SLX4: variants seen among roughly 807,000 people sequenced by gnomAD.
The protein encoded by SLX4 is structure-specific endonuclease subunit SLX4.
SLX4 carries 112 observed loss-of-function variants against 146.2 expected under a neutral mutation model. The observed-to-expected ratio is 0.77, with a 90% CI of 0.66 to 0.90. The LOEUF (loss-of-function observed/expected upper bound fraction) is 0.90, where lower values mean the gene tolerates loss of function less well. Ranked by LOEUF, SLX4 falls within the 40% of genes least tolerant of loss-of-function variation. The probability of loss-of-function intolerance (pLI) is 0.00; values close to 1 mark genes in which losing one functional copy is unlikely to be tolerated. For missense variants in SLX4, 2,563 were observed against 2,392.7 expected (o/e 1.07, Z -1.49); for synonymous variants, 1,061 against 997.7 (o/e 1.06, Z -1.20).
Position 3,590,984 on chromosome 16 carries a change from G to T in SLX4, c.2654C>A (p.Pro885Gln). 1.9e-6 allele frequency: 3 copies of T among 1,614,156 alleles called. No individual in the cohort carries two copies. The highest frequency in any genetic ancestry group is 2.5e-6 in the Non-Finnish European group (3 of 1,180,022). ...EDADWLEGGS[P>Q]VSGQLLAGVQ... The stretch of plus-strand genomic sequence containing the variant: ...ACCTGCTAGGAGTTGCCCAGAAACC[G>T]GACTGCCACCCTCCAGCCAGTCAGC... The change falls in exon 12 of 15, where the codon CCG becomes CAG. Residue 885 changes from proline to glutamine, a missense_variant. Physicochemically the swap from Pro to Gln is moderately conservative, Grantham distance 76. Transcript: ENST00000294008. This position sits in a 1 kb window ranked among gnomAD's most constrained non-coding sequence, Gnocchi z 4.8.
Position 3,590,862 on chromosome 16 carries a change from A to G in SLX4, c.2776T>C (p.Cys926Arg), listed in dbSNP as rs201703364. 3.7e-6 allele frequency: 6 copies of G among 1,614,042 alleles called. No homozygotes were observed. In the East Asian group the frequency reaches 1.3e-4, roughly 36 times the overall value. ...TGGCCCTGGGGTGGCGGGAGAGCGC[A>G]CTGTCCCATCTTCTCCCAGGTGGTG... ...AATTWEKMGQ[C>R]ALPPPQGQHS... The change falls in exon 12 of 15, where the codon TGC becomes CGC. Residue 926 changes from cysteine to arginine, a missense_variant. Cys to Arg is a radical substitution (Grantham distance 180, BLOSUM62 -3). Transcript: ENST00000294008. This position sits in a 1 kb window ranked among gnomAD's most constrained non-coding sequence, Gnocchi z 4.8.
chr16:3,605,997 C>T (rs1011779972), intron 3 of SLX4, among the ~76,000 whole-genome samples: 3 of 144,962 alleles, frequency 2.1e-5, no homozygotes, highest in Admixed American at 7.1e-5. Context: ...CAATGGTTCA[C>T]GCCTGTAATC....
chr16:3,600,834 G>T, intron 5 of SLX4, 145 bp downstream of exon 5: 1 of 789,962 alleles, frequency 1.3e-6, no homozygotes, highest in South Asian at 1.5e-5. Flanking sequence ...GATCTAAGGT[G>T]ATCTGCCCAC....
Position 3,597,866 on chromosome 16 carries a change from C to T in SLX4, c.1297G>A (p.Glu433Lys), listed in dbSNP as rs1212650567. 1.9e-6 allele frequency: 3 copies of T among 1,614,136 alleles called. No homozygotes were observed. Among genetic ancestry groups the T allele is most frequent in the Middle Eastern group, 1.6e-4 (1 of 6,062 alleles). The change falls in exon 6 of 15, where the codon GAG becomes AAG. Residue 433 changes from glutamate to lysine, a missense_variant. Coordinates refer to ENST00000294008, the MANE Select transcript of SLX4 (RefSeq NM_032444.4). The surrounding 1 kb of genome is among the most constrained non-coding windows in gnomAD (Gnocchi z 4.4). The stretch of plus-strand genomic sequence containing the variant: ...AGCGCTGGTACAGCCGCACCCGGCT[C>T]CATCTCCGACCGGGACAGAGCCATG... ...VAMALSRSEM[E>K]PGAAVPALRL...
At chr16:3,604,818 T>TAAA (rs2040765595) in intron 3 of SLX4, among the ~76,000 whole-genome samples, 3 of 90,040 alleles carry the variant, frequency 3.3e-5, no homozygotes, top group African/African-American at 1.5e-4. Context: ...AGACTCCATC[T>TAAA]CAAAAAAAAA....
rs1201306718 is a variant in SLX4, at chr16:3,597,523, C to T, written c.1539G>A (p.Trp513Ter). ...LPASRILKEG[W>*]ERAGQCPPPP... ...GAGGAGGACACTGGCCCGCTCTTTC[C>T]CACCCTTCCTTTAAAATCCTGCTGG... The change falls in exon 7 of 15, where the codon TGG becomes TGA. Residue 513 changes from tryptophan (W) to a stop codon, truncating the protein, a stop_gained. Coordinates refer to ENST00000294008, the MANE Select transcript of SLX4 (RefSeq NM_032444.4). LOFTEE classifies it high-confidence loss of function. This position sits in a 1 kb window ranked among gnomAD's most constrained non-coding sequence, Gnocchi z 4.4. The T allele has an allele frequency of 6.2e-7, 1 of 1,614,138 alleles. No homozygotes were observed. The highest frequency in any genetic ancestry group is 1.7e-5 in the Admixed American group (1 of 60,018).
rs953252183 is a variant in SLX4, at chr16:3,596,266, G to C, written c.1811C>G (p.Ala604Gly). 3.8e-6 allele frequency: 6 copies of C among 1,562,630 alleles called. No individual in the cohort carries two copies. Among genetic ancestry groups the C allele is most frequent in the Non-Finnish European group, 2.6e-6 (3 of 1,155,048 alleles). Residue 604 changes from alanine to glycine, a missense_variant, in exon 8 of 15, where the codon GCC becomes GGC. Physicochemically the swap from Ala to Gly is moderately conservative, Grantham distance 60 (BLOSUM62 0). Transcript: ENST00000294008. ...CAGGGCCTGGTGCTCCCTCTGGCTGGCCGAAGGCGACGGGCCCCTGGAGCC... is the reference window on the plus strand; with the variant it reads ...CAGGGCCTGGTGCTCCCTCTGGCTGCCCGAAGGCGACGGGCCCCTGGAGCC... The part of the protein sequence containing the change: ...GCGSRGPSPS[A>G]SQREHQALQD...
rs2151130085 is a variant in SLX4, at chr16:3,596,288, A to G, written c.1789T>C (p.Ser597Pro). The change falls in exon 8 of 15, where the codon TCC (serine) becomes CCC (proline). Residue 597 changes from serine to proline, a missense_variant. By Grantham distance (74) the Ser-to-Pro change is moderately conservative (BLOSUM62 -1). Coordinates refer to ENST00000294008, the MANE Select transcript of SLX4 (RefSeq NM_032444.4). ...LHGTPTAGCG[S>P]RGPSPSASQR... ...CTGGCCGAAGGCGACGGGCCCCTGGAGCCACAGCCTGCAGTGGGGGTGCCG... is the reference window on the plus strand; with the variant it reads ...CTGGCCGAAGGCGACGGGCCCCTGGGGCCACAGCCTGCAGTGGGGGTGCCG... 6.4e-7 allele frequency: 1 copy of G among 1,571,504 alleles called. No individual in the cohort carries two copies. Among genetic ancestry groups the G allele is most frequent in the East Asian group, 2.3e-5 (1 of 42,732 alleles).
chr16:3,590,257 G>A lies in SLX4; in HGVS notation c.3381C>T (p.Thr1127=), dbSNP rs2151123690. The A allele has an allele frequency of 6.2e-7, 1 of 1,614,192 alleles. No homozygotes were observed. Among genetic ancestry groups the A allele is most frequent in the Non-Finnish European group, 8.5e-7 (1 of 1,180,036 alleles). The change falls in exon 12 of 15, where the codon ACC becomes ACT. Residue 1127 remains threonine (T), a synonymous_variant. Coordinates refer to ENST00000294008, the MANE Select transcript of SLX4 (RefSeq NM_032444.4). This position sits in a 1 kb window ranked among gnomAD's most constrained non-coding sequence, Gnocchi z 4.8. ...AGCTCGAATGGTCAGGATTTGACTGGGTTAGGTCAATAGACGGAGATTTTT... is the reference window on the plus strand; with the variant it reads ...AGCTCGAATGGTCAGGATTTGACTGAGTTAGGTCAATAGACGGAGATTTTT... ...FPEKSPSIDL[T]QSNPDHSSSR... is the part of the protein sequence containing the mutation.
chr16:3,582,212 G>C lies in SLX4; in HGVS notation c.*130C>G. 3 of 731,858 alleles carry C rather than the reference G, an allele frequency of 4.1e-6. No homozygotes were observed. Among genetic ancestry groups the C allele is most frequent in the Non-Finnish European group, 6.9e-6 (3 of 432,676 alleles). The allele number at this position is 731,858 out of a possible 1,614,324, so 45.3% of individuals were successfully genotyped here. Reference sequence around the variant, plus strand: ...GCTGTGGTCATCATCACAGCGCAGAGCTGATGTGGTCCCCAGGCCCAGAAA... The same window carrying C: ...GCTGTGGTCATCATCACAGCGCAGACCTGATGTGGTCCCCAGGCCCAGAAA... On this transcript the variant is annotated 3_prime_UTR_variant, in exon 15 of 15. Coordinates refer to ENST00000294008, the MANE Select transcript of SLX4 (RefSeq NM_032444.4).
Position 3,597,633 on chromosome 16 carries a change from C to G in SLX4, c.1429G>C (p.Glu477Gln), listed in dbSNP as rs748957904. ...SPPLLLVQDS[E>Q]TTGRQIEDRV... The stretch of plus-strand genomic sequence containing the variant: ...TCCTCTATCTGTCGGCCTGTGGTTT[C>G]AGAGTCCTGGACTAACAACAATGGG... Residue 477 changes from glutamate (E) to glutamine (Q), a missense_variant, in exon 7 of 15, where the codon GAA becomes CAA. By Grantham distance (29) the Glu-to-Gln change is conservative (BLOSUM62 2). Coordinates refer to ENST00000294008, the MANE Select transcript of SLX4 (RefSeq NM_032444.4). The surrounding 1 kb of genome is among the most constrained non-coding windows in gnomAD (Gnocchi z 4.4). 14 of 1,614,018 alleles carry G rather than the reference C, an allele frequency of 8.7e-6. No individual in the cohort carries two copies. Among genetic ancestry groups the G allele is most frequent in the Non-Finnish European group, 1.2e-5 (14 of 1,180,050 alleles).
chr16:3,597,776 C>T lies in SLX4; in HGVS notation c.1366+21G>A, dbSNP rs2040680646. The T allele has an allele frequency of 6.2e-7, 1 of 1,614,110 alleles. No homozygotes were observed. The highest frequency in any genetic ancestry group is 1.1e-5 in the South Asian group (1 of 91,036). On this transcript the variant is annotated intron_variant, in intron 6 of 14. Transcript: ENST00000294008. This position sits in a 1 kb window ranked among gnomAD's most constrained non-coding sequence, Gnocchi z 4.4. ...ACCTGCTGATGGCCTCTCCCAGGGT[C>T]ACTCTTCTGATCACACAAACCTGCT...
intron 3 of SLX4, 143 bp downstream of exon 3, chr16:3,606,331 C>T: frequency 1.1e-6 from 1 of 882,008 alleles, no homozygotes; most frequent in Non-Finnish European, 1.9e-6. Flanking sequence ...CTGGCTGGAT[C>T]CAGTGAAGTG....
rs1329710390 is a variant in SLX4 at position 3,608,670 on chromosome 16, T to C, written c.295A>G (p.Lys99Glu). 3 of 1,614,090 alleles carry C rather than the reference T, an allele frequency of 1.9e-6. No homozygotes were observed. The highest frequency in any genetic ancestry group is 3.3e-5 in the Admixed American group (2 of 60,000). Reference protein sequence around the residue: ...KLKRTKQTATKTKTLQGPAEK... With the variant: ...KLKRTKQTATETKTLQGPAEK... Reference sequence around the variant, plus strand: ...GCAGGGCCTTGAAGGGTTTTGGTCTTGGTAGCAGTTTGTTTGGTCCTTTTC... The same window carrying C: ...GCAGGGCCTTGAAGGGTTTTGGTCTCGGTAGCAGTTTGTTTGGTCCTTTTC... The change falls in exon 2 of 15, where the codon AAG (lysine) becomes GAG (glutamate). Residue 99 changes from lysine (K) to glutamate (E), a missense_variant. Physicochemically the swap from Lys to Glu is moderately conservative, Grantham distance 56. Transcript: ENST00000294008.
rs187656639 is a variant in SLX4 at position 3,593,935 on chromosome 16, A to G, written c.2160+518T>C. Among the ~76,000 whole-genome samples, 603 of 152,240 alleles carry G rather than the reference A, an allele frequency of 4.0e-3. 3 individuals carry two copies. The highest frequency in any genetic ancestry group is 0.014 in the African/African-American group (577 of 41,552). Reference sequence around the variant, plus strand: ...CGCCCAGGCTGGAGTGCAGTGGTGCAATCTCAGCTCATTGGAAGCTCCGCC... The same window carrying G: ...CGCCCAGGCTGGAGTGCAGTGGTGCGATCTCAGCTCATTGGAAGCTCCGCC... On this transcript the variant is annotated intron_variant, in intron 10 of 14. Coordinates refer to ENST00000294008, the MANE Select transcript of SLX4 (RefSeq NM_032444.4).
intron 5 of SLX4, among the ~76,000 whole-genome samples, chr16:3,599,554 G>A (rs1263350925): frequency 1.3e-5 from 2 of 152,196 alleles, no homozygotes; most frequent in Non-Finnish European, 2.9e-5. Flanking sequence ...AAAAAATAGG[G>A]TCCTACACTT....
chr16:3,582,629 C>T lies in SLX4; in HGVS notation c.5218G>A (p.Val1740Ile). ...TGCACGGCTGCCTGCGAGGCACTGA[C>T]CTCCCCCTCGCCCTCCTCTTCACCT... Reference protein sequence around the residue: ...SAGEEEGEGEVSASQAAVQAA... With the variant: ...SAGEEEGEGEISASQAAVQAA... The change falls in exon 15 of 15, where the codon GTC becomes ATC. Residue 1740 changes from valine to isoleucine, a missense_variant. By Grantham distance (29) the Val-to-Ile change is conservative. Coordinates refer to ENST00000294008, the MANE Select transcript of SLX4 (RefSeq NM_032444.4). 1 of 1,613,574 alleles carries T rather than the reference C, an allele frequency of 6.2e-7. No homozygotes were observed. The highest frequency in any genetic ancestry group is 8.5e-7 in the Non-Finnish European group (1 of 1,180,040).
In SLX4 at chr16:3,584,822, C is replaced by G. The variant is rs752013105; in HGVS notation, c.4686G>C (p.Pro1562=). The G allele has an allele frequency of 1.2e-6, 2 of 1,614,040 alleles. No homozygotes were observed. The highest frequency in any genetic ancestry group is 1.7e-6 in the Non-Finnish European group (2 of 1,180,014). ...TCTCCATAATGGAATACTGTGGCAT[C>G]GGCGTTATGGGCACTTTGGGGGGCA... is the stretch of plus-strand genomic sequence containing the variant. ...KNLPPKVPIT[P]MPQYSIMETP... Residue 1562 remains proline, a synonymous_variant, in exon 13 of 15, where the codon CCG becomes CCC. Transcript: ENST00000294008.
At position 3,597,897 on chromosome 16, in the gene SLX4, C is replaced by T. The variant is rs779551144; in HGVS notation, c.1266G>A (p.Leu422=). 9 of 1,614,058 alleles carry T rather than the reference C, an allele frequency of 5.6e-6. No individual in the cohort carries two copies. The highest frequency in any genetic ancestry group is 7.6e-6 in the Non-Finnish European group (9 of 1,180,048). The change falls in exon 6 of 15, where the codon CTG becomes CTA. Residue 422 remains leucine, a synonymous_variant. Coordinates refer to ENST00000294008, the MANE Select transcript of SLX4 (RefSeq NM_032444.4). This position sits in a 1 kb window ranked among gnomAD's most constrained non-coding sequence, Gnocchi z 4.4. The stretch of plus-strand genomic sequence containing the variant: ...CCGACCGGGACAGAGCCATGGCCAC[C>T]AGCAGGTCCTCGGACGGTGCCTCGT... ...KVDEAPSEDL[L]VAMALSRSEM... is the part of the protein sequence containing the mutation.
Sources: gnomAD v4.1 joint callset for allele counts (sites outside exome capture counted in the v4.1 genomes callset) on GRCh38, gnomAD v4.1.1 for gene constraint, Gnocchi (gnomAD v3.1) non-coding constraint, MANE v1.5 for transcripts, NCBI Gene and HGNC (gene_info 2026-07-23, HGNC 2026-07-21) for gene names.